SH3PXD2A: variants seen among roughly 807,000 people sequenced by gnomAD.
SH3PXD2A encodes SH3 and PX domains 2A, also known as SH3 and PX domain-containing protein 2A.
A neutral mutation model predicts 115.2 loss-of-function variants in SH3PXD2A; 32 were observed. The observed-to-expected ratio is 0.28, with a 90% CI of 0.21 to 0.37. The LOEUF is 0.37. Ranked by LOEUF, SH3PXD2A falls within the 10% of genes least tolerant of loss-of-function variation. The probability of loss-of-function intolerance (pLI) is 1.00; values close to 1 mark genes in which losing one functional copy is unlikely to be tolerated. For missense variants in SH3PXD2A, 1,328 were observed against 1,498.7 expected (o/e 0.89, Z 1.88); for synonymous variants, 610 against 629.1 (o/e 0.97, Z 0.45).
chr10:103,773,155 C>CG (rs1176103244), intron 2 of SH3PXD2A, among the ~76,000 whole-genome samples: 1 of 136,792 alleles, frequency 7.3e-6, no homozygotes, highest in African/African-American at 2.8e-5. Context: ...GCCTGGCAGG[C>CG]GGGGGTTGCA....
At chr10:103,735,189 C>T (rs563121467) in intron 4 of SH3PXD2A, among the ~76,000 whole-genome samples, 1 of 152,348 alleles carries the variant, frequency 6.6e-6, no homozygotes, top group African/African-American at 2.4e-5. Flanking sequence ...TGCTGTCCTT[C>T]TCCTGCCTGC....
At chr10:103,702,558 G>A (rs2037927755) in intron 5 of SH3PXD2A, among the ~76,000 whole-genome samples, 1 of 144,708 alleles carries the variant, frequency 6.9e-6, no homozygotes, top group Non-Finnish European at 1.5e-5. Context: ...TGTGAGCAAC[G>A]GTGCAGGGGC....
chr10:103,855,182 G>T lies in SH3PXD2A; in HGVS notation c.72+13C>A. On this transcript the variant is annotated intron_variant, in intron 1 of 14. Coordinates refer to ENST00000369774, the MANE Select transcript of SH3PXD2A (RefSeq NM_001394015.1). ...GGGCCACCCCCAGCAGGGTCGGCGGGGGCTGTACTCACGTAGTGCTTGGAG... is the reference window on the plus strand; with the variant it reads ...GGGCCACCCCCAGCAGGGTCGGCGGTGGCTGTACTCACGTAGTGCTTGGAG... 6.5e-7 allele frequency: 1 copy of T among 1,527,398 alleles called. No individual in the cohort carries two copies. Among genetic ancestry groups the T allele is most frequent in the Non-Finnish European group, 8.8e-7 (1 of 1,134,546 alleles). The allele number at this position is 1,527,398 out of a possible 1,614,324, so 94.6% of individuals were successfully genotyped here.
At chr10:103,672,193 G>C (rs904025891) in intron 6 of SH3PXD2A, among the ~76,000 whole-genome samples, 1 of 152,240 alleles carries the variant, frequency 6.6e-6, no homozygotes, top group African/African-American at 2.4e-5. Flanking sequence ...GCTGAGGCAT[G>C]AGAATCGCTT....
intron 5 of SH3PXD2A, among the ~76,000 whole-genome samples, chr10:103,697,697 T>C (rs2037841199): frequency 6.6e-6 from 1 of 152,246 alleles, no homozygotes; most frequent in Non-Finnish European, 1.5e-5. Flanking sequence ...TTTATGCTAA[T>C]GTAGACCCGA....
chr10:103,855,116 T>C (rs1842928555), intron 1 of SH3PXD2A, 79 bp downstream of exon 1: 1 of 1,025,118 alleles, frequency 9.8e-7, no homozygotes, highest in African/African-American at 1.7e-5. Context: ...ACCTCACAGC[T>C]GGGAGGGGCA....
chr10:103,616,239 C>G (rs986452717), intron 11 of SH3PXD2A, among the ~76,000 whole-genome samples: 4 of 152,198 alleles, frequency 2.6e-5, no homozygotes, highest in Admixed American at 1.3e-4. Context: ...ATCCTGTCCC[C>G]TCTGTCGGAG....
chr10:103,781,340 C>T (rs2038929891), intron 2 of SH3PXD2A, among the ~76,000 whole-genome samples: 1 of 152,216 alleles, frequency 6.6e-6, no homozygotes, highest in Non-Finnish European at 1.5e-5. Context: ...AATCTCCCTG[C>T]AGTCCTTCAT....
rs545378608 is a variant in SH3PXD2A, at chr10:103,655,726, T to C, written c.604+5257A>G. Among the ~76,000 whole-genome samples the C allele has an allele frequency of 1.9e-3, 278 of 143,478 alleles. 1 individual carries two copies. The highest frequency in any genetic ancestry group is 3.5e-3 in the Non-Finnish European group (235 of 67,176). 94.1% of individuals were successfully genotyped at this position (143,478 alleles called of 152,430 possible). On this transcript the variant is annotated intron_variant, in intron 8 of 14. Coordinates refer to ENST00000369774, the MANE Select transcript of SH3PXD2A (RefSeq NM_001394015.1). ...AGACAGAGGTTGCAGTGAGCCGAGA[T>C]TGCACTACTGCACTCCAGCCTGGGT...
intron 1 of SH3PXD2A, among the ~76,000 whole-genome samples, chr10:103,837,002 C>T (rs1470481986): frequency 1.3e-5 from 2 of 152,168 alleles, no homozygotes; most frequent in Non-Finnish European, 2.9e-5. Context: ...TATTAGATTT[C>T]TATTATCCCT....
At position 103,596,088 on chromosome 10, in the gene SH3PXD2A, G is replaced by A. The variant is rs961199555; in HGVS notation, c.*5728C>T. On this transcript the variant is annotated 3_prime_UTR_variant, in exon 15 of 15. Coordinates refer to ENST00000369774, the MANE Select transcript of SH3PXD2A (RefSeq NM_001394015.1). Reference sequence around the variant, plus strand: ...AAGTGTTTGGTCTGGCCCTGCAGTTGGGACTAAACTTATATGCACCTGCAG... The same window carrying A: ...AAGTGTTTGGTCTGGCCCTGCAGTTAGGACTAAACTTATATGCACCTGCAG... 4 of 152,172 alleles carry A rather than the reference G, an allele frequency of 2.6e-5. No homozygotes were observed. Among genetic ancestry groups the A allele is most frequent in the African/African-American group, 9.7e-5 (4 of 41,416 alleles). The allele number at this position is 152,172 out of a possible 1,614,324, so 9.4% of individuals were successfully genotyped here. A position where few individuals can be genotyped will look rare whatever the true frequency, so the allele number is the denominator to read the frequency against.
chr10:103,750,766 T>TCCG, intron 3 of SH3PXD2A, among the ~76,000 whole-genome samples: 1 of 151,422 alleles, frequency 6.6e-6, no homozygotes, highest in Non-Finnish European at 1.5e-5. Flanking sequence ...TCAGGTTGCT[T>TCCG]TGTTGAGGGG....
chr10:103,815,095 A>G (rs2039311202), intron 1 of SH3PXD2A, among the ~76,000 whole-genome samples: 1 of 152,214 alleles, frequency 6.6e-6, no homozygotes, highest in African/African-American at 2.4e-5. Flanking sequence ...GAGAGAGAAA[A>G]CTATTAAAGT....
At position 103,602,020 on chromosome 10, in the gene SH3PXD2A, A is replaced by G. The variant is rs780079941; in HGVS notation, c.3198T>C (p.Ser1066=). The change falls in exon 15 of 15, where the codon TCT becomes TCC. Residue 1066 remains serine (S), a synonymous_variant. Transcript: ENST00000369774. ...CTTTGAGGTTATTGTGGATGAACTG[A>G]GACTTCTCGATGGGCTTGGGGCGCA... is the stretch of plus-strand genomic sequence containing the variant. ...SPVRPKPIEK[S]QFIHNNLKDV... 19 of 1,613,152 alleles carry G rather than the reference A, an allele frequency of 1.2e-5. No individual in the cohort carries two copies. Among genetic ancestry groups the G allele is most frequent in the Non-Finnish European group, 1.6e-5 (19 of 1,179,494 alleles).
intron 8 of SH3PXD2A, among the ~76,000 whole-genome samples, chr10:103,641,897 A>T (rs779225440): frequency 2.0e-5 from 3 of 152,030 alleles, no homozygotes; most frequent in Non-Finnish European, 4.4e-5. Context: ...CTTTCCCCAA[A>T]CCTCAGGTAT....
intron 3 of SH3PXD2A, among the ~76,000 whole-genome samples, chr10:103,737,395 T>C (rs1253428337): frequency 6.6e-6 from 1 of 152,034 alleles, no homozygotes; most frequent in Non-Finnish European, 1.5e-5. Flanking sequence ...AAGGTCCGAG[T>C]GAAGTACTCA....
At chr10:103,775,507 C>A (rs2038869024) in intron 2 of SH3PXD2A, among the ~76,000 whole-genome samples, 1 of 152,062 alleles carries the variant, frequency 6.6e-6, no homozygotes, top group Admixed American at 6.5e-5. Flanking sequence ...CAGAGCCAGG[C>A]CTTGAATAGA....
intron 1 of SH3PXD2A, among the ~76,000 whole-genome samples, chr10:103,820,528 C>T (rs1385434601): frequency 6.6e-6 from 1 of 152,126 alleles, no homozygotes; most frequent in Non-Finnish European, 1.5e-5. Flanking sequence ...CCCCAGTGCC[C>T]CCTCAAAGTC....
At chr10:103,664,223 A>G (rs1432500098) in intron 7 of SH3PXD2A, among the ~76,000 whole-genome samples, 1 of 152,218 alleles carries the variant, frequency 6.6e-6, no homozygotes, top group Non-Finnish European at 1.5e-5. Flanking sequence ...GGGGCACTGG[A>G]TGAGAAGAGT....
Sources: allele counts gnomAD v4.1 joint callset (sites outside exome capture counted in the v4.1 genomes callset), GRCh38; gene constraint gnomAD v4.1.1; transcripts MANE v1.5; gene names NCBI Gene and HGNC (gene_info 2026-07-23, HGNC 2026-07-21).